The following C19orf38 variants were observed in gnomAD, a reference collection of about 807,000 sequenced individuals.
C19orf38 encodes the protein protein HIDE1.
A neutral mutation model predicts 26.6 loss-of-function variants in C19orf38; 14 were observed. That is an observed-to-expected ratio of 0.53 (90% CI 0.35 to 0.82). The LOEUF (loss-of-function observed/expected upper bound fraction) is 0.82, where lower values mean the gene tolerates loss of function less well. C19orf38 is among the 40% of genes least tolerant of loss of function. The pLI is 0.01. For missense variants in C19orf38, 261 were observed against 299.5 expected (o/e 0.87, Z 0.95); for synonymous variants, 132 against 128.5 (o/e 1.03, Z -0.18).
intron 5 of C19orf38, among the ~76,000 whole-genome samples, chr19:10,862,426 A>C (rs1186093782): frequency 6.6e-6 from 1 of 151,806 alleles, no homozygotes; most frequent in Non-Finnish European, 1.5e-5. Flanking sequence ...GCTGGTCTTG[A>C]ACTCCTGGGC....
chr19:10,856,542 C>T (rs921440086), intron 3 of C19orf38, among the ~76,000 whole-genome samples, 185 bp downstream of exon 3: 6 of 152,134 alleles, frequency 3.9e-5, no homozygotes, highest in African/African-American at 1.2e-4. Flanking sequence ...CTCGCTCTGT[C>T]GCCCAGGCTG....
intron 1 of C19orf38, among the ~76,000 whole-genome samples, chr19:10,837,375 C>A (rs1262170256): frequency 6.6e-6 from 1 of 151,714 alleles, no homozygotes; most frequent in East Asian, 1.9e-4. Context: ...TTTGTAATAT[C>A]AGTTTGGTAT....
intron 2 of C19orf38, among the ~76,000 whole-genome samples, chr19:10,853,907 T>G (rs1383766056): frequency 6.6e-6 from 1 of 150,980 alleles, no homozygotes; most frequent in Admixed American, 6.6e-5. Context: ...ATGTTTTTTT[T>G]TTTTTTTTTT....
At position 10,869,486 on chromosome 19, in the gene C19orf38, G is replaced by A; in HGVS notation, c.*119G>A. Reference sequence around the variant, plus strand: ...AGGGAATTGGACAGAGGAAAGGAAGGGGAACCCTGGCCTTGGGATTTTCAT... The same window carrying A: ...AGGGAATTGGACAGAGGAAAGGAAGAGGAACCCTGGCCTTGGGATTTTCAT... On this transcript the variant is annotated 3_prime_UTR_variant, in exon 7 of 7. Transcript: ENST00000397820. 7.5e-7 allele frequency: 1 copy of A among 1,338,374 alleles called. No homozygotes were observed. Among genetic ancestry groups the A allele is most frequent in the East Asian group, 2.5e-5 (1 of 39,594 alleles). 82.9% of individuals were successfully genotyped at this position (1,338,374 alleles called of 1,614,324 possible).
At chr19:10,867,054 T>C (rs1259438501) in intron 6 of C19orf38, among the ~76,000 whole-genome samples, 1 of 151,614 alleles carries the variant, frequency 6.6e-6, no homozygotes, top group Non-Finnish European at 1.5e-5. Context: ...CCTCCCAAAG[T>C]GCTGGGGTTA....
At chr19:10,841,714 T>C in intron 1 of C19orf38, 1 of 630,382 alleles carries the variant, frequency 1.6e-6, no homozygotes, top group Admixed American at 2.6e-5. Context: ...GGCTCACGCC[T>C]GTAATCCCAG....
At chr19:10,857,286 G>A (rs546236360) in intron 3 of C19orf38, among the ~76,000 whole-genome samples, 1 of 140,544 alleles carries the variant, frequency 7.1e-6, no homozygotes, top group Non-Finnish European at 1.5e-5. Context: ...ATATATGTGT[G>A]TGTATGTATA....
chr19:10,837,464 CCTTTT>C (rs966692526), intron 1 of C19orf38, among the ~76,000 whole-genome samples: 1 of 146,528 alleles, frequency 6.8e-6, no homozygotes. Context: ...ACGGGTGACT[CCTTTT>C]CTTTTTTTTC....
At chr19:10,852,143 T>A (rs2073579444) in intron 2 of C19orf38, among the ~76,000 whole-genome samples, 1 of 151,104 alleles carries the variant, frequency 6.6e-6, no homozygotes, top group Non-Finnish European at 1.5e-5. Flanking sequence ...CAGAGCAAGA[T>A]TCTGTCTCAA....
intron 2 of C19orf38, among the ~76,000 whole-genome samples, 158 bp downstream of exon 2, chr19:10,850,725 A>C (rs1332034264): frequency 6.6e-6 from 1 of 152,156 alleles, no homozygotes; most frequent in African/African-American, 2.4e-5. Flanking sequence ...CAGCCAGCCC[A>C]AAAGGGGATT....
At position 10,863,152 on chromosome 19, in the gene C19orf38, T is replaced by A; in HGVS notation, c.506-18T>A. On this transcript the variant is annotated intron_variant, in intron 5 of 6. Coordinates refer to ENST00000397820, the MANE Select transcript of C19orf38 (RefSeq NM_001136482.3). ...AACTGGCCCCCAATCCTGGGTTTTC[T>A]TTCTCTTTCTGTTTCAGACATGTCC... is the stretch of plus-strand genomic sequence containing the variant. 6.4e-7 allele frequency: 1 copy of A among 1,550,900 alleles called. No homozygotes were observed. Among genetic ancestry groups the A allele is most frequent in the African/African-American group, 1.4e-5 (1 of 73,154 alleles).
At chr19:10,855,654 G>A (rs892597589) in intron 2 of C19orf38, among the ~76,000 whole-genome samples, 7 of 152,104 alleles carry the variant, frequency 4.6e-5, no homozygotes, top group Admixed American at 2.0e-4. Flanking sequence ...TCAGCCTCCT[G>A]AGTAAGTGGG....
At chr19:10,855,798 G>T (rs2073619280) in intron 2 of C19orf38, among the ~76,000 whole-genome samples, 1 of 152,162 alleles carries the variant, frequency 6.6e-6, no homozygotes, top group African/African-American at 2.4e-5. Context: ...AAAGTGTGGG[G>T]ATTACAGGCG....
rs1267885218 is a variant in C19orf38, at chr19:10,859,183, C to G, written c.462-732C>G. Among the ~76,000 whole-genome samples, 5 of 150,088 alleles carry G rather than the reference C, an allele frequency of 3.3e-5. No individual in the cohort carries two copies. In the East Asian group the frequency reaches 5.9e-4, roughly 18 times the overall value. ...AACTCCCAACCTCAGGTGATCCGCC[C>G]GCCTGTGCCTCCCAAAGTGCTGGGA... On this transcript the variant is annotated intron_variant, in intron 4 of 6. Transcript: ENST00000397820.
At chr19:10,842,107 C>T in intron 1 of C19orf38, 1 of 1,580,246 alleles carries the variant, frequency 6.3e-7, no homozygotes, top group Non-Finnish European at 8.7e-7. Context: ...GTAGGTAATG[C>T]TGCTGTATCC....
intron 5 of C19orf38, among the ~76,000 whole-genome samples, chr19:10,860,262 G>A (rs983632293): frequency 1.3e-5 from 2 of 151,982 alleles, no homozygotes; most frequent in Admixed American, 1.3e-4. Context: ...GGCCAGGCGC[G>A]GTGACTCACA....
upstream of C19orf38, among the ~76,000 whole-genome samples, chr19:10,846,313 C>T (rs11881066): frequency 0.13 from 19,981 of 151,756 alleles, 1,631 homozygotes; most frequent in East Asian, 0.39. Context: ...TCTCCAGCCT[C>T]AGCCTCCCGA....
At chr19:10,837,761 C>T (rs902539445) in intron 1 of C19orf38, among the ~76,000 whole-genome samples, 5 of 151,864 alleles carry the variant, frequency 3.3e-5, no homozygotes, top group African/African-American at 1.2e-4. Flanking sequence ...TCCACCTCGG[C>T]CTCCCAAAGT....
At chr19:10,857,368 T>TATA (rs1568336575) in intron 3 of C19orf38, among the ~76,000 whole-genome samples, 378 of 44,352 alleles carry the variant, frequency 8.5e-3, no homozygotes, top group African/African-American at 0.011. Context: ...ATATATATAT[T>TATA]TTTTTTTTTT....
Sources: gnomAD v4.1 joint callset for allele counts (sites outside exome capture counted in the v4.1 genomes callset) on GRCh38, gnomAD v4.1.1 for gene constraint, MANE v1.5 for transcripts, NCBI Gene and HGNC (gene_info 2026-07-23, HGNC 2026-07-21) for gene names.